SCEL: variants seen among roughly 807,000 people sequenced by gnomAD.
SCEL encodes the protein sciellin.
Under a neutral mutation model 117.6 loss-of-function variants are expected in SCEL, and 113 were observed. That is an observed-to-expected ratio of 0.96 (90% confidence interval 0.83 to 1.12). The LOEUF is 1.12. Ranked by LOEUF, SCEL falls within the 50% of genes most tolerant of loss-of-function variation. SCEL has a pLI of 0.00. For missense variants in SCEL, 785 were observed against 810.8 expected, an observed-to-expected ratio of 0.97 and a Z score of 0.39; for synonymous variants, 270 against 256.2, an observed-to-expected ratio of 1.05 and a Z score of -0.51.
At chr13:77,545,971 G>T (rs145115715) in intron 1 of SCEL, among the ~76,000 whole-genome samples, 1 of 152,318 alleles carries the variant, frequency 6.6e-6, no homozygotes, top group African/African-American at 2.4e-5. Flanking sequence ...CCTGTAAATA[G>T]AATACATTAT....
At chr13:77,622,341 T>A (rs2089468227) in intron 27 of SCEL, among the ~76,000 whole-genome samples, 1 of 152,196 alleles carries the variant, frequency 6.6e-6, no homozygotes. Flanking sequence ...AAGTTTCTCA[T>A]ATGCAGAGCT....
Position 77,563,931 on chromosome 13 carries a change from G to A in SCEL, c.290+32G>A, listed in dbSNP as rs754715526. ...GGCTTTTGAACCATATAAATGGAATGCATAACATATTAAATACATTTTCTA... is the reference window on the plus strand; with the variant it reads ...GGCTTTTGAACCATATAAATGGAATACATAACATATTAAATACATTTTCTA... On this transcript the variant is annotated intron_variant, in intron 5 of 32. Coordinates refer to ENST00000349847, the MANE Select transcript of SCEL (RefSeq NM_144777.3). The A allele has an allele frequency of 2.2e-6, 3 of 1,343,194 alleles. No homozygotes were observed. In the Admixed American group the frequency reaches 7.5e-5, roughly 34 times the overall value. 83.2% of individuals were successfully genotyped at this position (1,343,194 alleles called of 1,614,324 possible).
Position 77,559,821 on chromosome 13 carries a change from G to A in SCEL, c.179G>A (p.Arg60Lys), listed in dbSNP as rs1407483888. The change falls in exon 4 of 33, where the codon AGG becomes AAG. Residue 60 changes from arginine to lysine, a missense_variant. Physicochemically the swap from Arg to Lys is conservative, Grantham distance 26 (BLOSUM62 2). Transcript: ENST00000349847. ...CTTTGCAGAGATGAAAATTACGGTA[G>A]GGTGGTGCTCAACCGACATAATTCC... ...PEEEKDENYG[R>K]VVLNRHNSHD... The A allele has an allele frequency of 1.2e-6, 2 of 1,613,858 alleles. No homozygotes were observed. Among genetic ancestry groups the A allele is most frequent in the East Asian group, 2.2e-5 (1 of 44,882 alleles).
intron 1 of SCEL, among the ~76,000 whole-genome samples, chr13:77,552,022 A>T (rs970774682): frequency 1.3e-5 from 2 of 151,294 alleles, no homozygotes; most frequent in East Asian, 1.9e-4. Context: ...AAGGACATGA[A>T]CTCATCATTT....
rs967507349 is a variant in SCEL, at chr13:77,555,861, T to C, written c.-15T>C. ...TATTTCCCATTTTTCTTTTAGGTCC[T>C]TACTGGAAGGCAGCATGTCCAATGT... On this transcript the variant is annotated 5_prime_UTR_variant, in exon 2 of 33. Transcript: ENST00000349847. 2.5e-6 allele frequency: 4 copies of C among 1,610,252 alleles called. No individual in the cohort carries two copies. In the African/African-American group the frequency reaches 4.0e-5, roughly 16 times the overall value.
chr13:77,553,505 G>A (rs646964), intron 1 of SCEL, among the ~76,000 whole-genome samples: 141,312 of 152,240 alleles, frequency 0.93, 65,629 homozygotes, highest in South Asian at 0.96. Flanking sequence ...GAGACACACT[G>A]CCAGACAGAG....
chr13:77,581,264 A>C (rs528638762), intron 9 of SCEL, among the ~76,000 whole-genome samples: 2 of 152,212 alleles, frequency 1.3e-5, no homozygotes, highest in Non-Finnish European at 2.9e-5. Flanking sequence ...CAAAATAATT[A>C]AAATATTAGC....
At chr13:77,563,621 A>G (rs1230051738) in intron 4 of SCEL, among the ~76,000 whole-genome samples, 1 of 152,194 alleles carries the variant, frequency 6.6e-6, no homozygotes, top group Non-Finnish European at 1.5e-5. Context: ...GCCAGAGAAG[A>G]ATCTTTTATT....
intron 18 of SCEL, 29 bp downstream of exon 18, chr13:77,603,164 G>A (rs747030583): frequency 8.1e-6 from 11 of 1,354,848 alleles, no homozygotes; most frequent in South Asian, 1.3e-5. Context: ...TTTAATTATG[G>A]TTTCTGTTAA....
chr13:77,573,484 G>T (rs1273831161), intron 9 of SCEL, among the ~76,000 whole-genome samples: 1 of 152,136 alleles, frequency 6.6e-6, no homozygotes, highest in Non-Finnish European at 1.5e-5. Context: ...CTACTGTGCA[G>T]ACTTCTAATG....
In SCEL at chr13:77,600,019, A is replaced by G. The variant is rs546085507; in HGVS notation, c.917+271A>G. 5.8e-5 allele frequency: 23 copies of G among 399,380 alleles called. No individual in the cohort carries two copies. In the South Asian group the frequency reaches 1.1e-3, roughly 19 times the overall value. 24.7% of individuals were successfully genotyped at this position (399,380 alleles called of 1,614,324 possible). A position where few individuals can be genotyped will look rare whatever the true frequency, so the allele number is the denominator to read the frequency against. Reference sequence around the variant, plus strand: ...AGATGATCTCCCAGTTCCCCTTCATATCTAAAATGGAAAGAAACACAACTA... The same window carrying G: ...AGATGATCTCCCAGTTCCCCTTCATGTCTAAAATGGAAAGAAACACAACTA... On this transcript the variant is annotated intron_variant, in intron 15 of 32. Transcript: ENST00000349847.
At chr13:77,553,105 C>T (rs914929808) in intron 1 of SCEL, among the ~76,000 whole-genome samples, 1 of 152,142 alleles carries the variant, frequency 6.6e-6, no homozygotes, top group African/African-American at 2.4e-5. Flanking sequence ...TAGTCACCTG[C>T]TGAGATACTA....
intron 16 of SCEL, 32 bp from the exon 17 acceptor site, chr13:77,602,622 C>T (rs750710010): frequency 6.3e-7 from 1 of 1,591,540 alleles, no homozygotes; most frequent in South Asian, 1.1e-5. Context: ...GTACTGTAAC[C>T]TAACTGACAA....
At chr13:77,577,563 G>A (rs1040105566) in intron 9 of SCEL, among the ~76,000 whole-genome samples, 1 of 152,154 alleles carries the variant, frequency 6.6e-6, no homozygotes, top group Non-Finnish European at 1.5e-5. Flanking sequence ...GGATTTGGGT[G>A]CGGACACAGA....
chr13:77,597,495 C>A (rs201078293), intron 12 of SCEL, 50 bp from the exon 13 acceptor site: 2 of 1,107,070 alleles, frequency 1.8e-6, no homozygotes, highest in South Asian at 1.4e-5. Flanking sequence ...TACCCTTTGA[C>A]CCTGGGCAAG....
chr13:77,622,156 G>A (rs75814545), intron 27 of SCEL, among the ~76,000 whole-genome samples: 6,853 of 152,154 alleles, frequency 0.045, 242 homozygotes, highest in Admixed American at 0.08. Flanking sequence ...AGTTCCTGGC[G>A]TAAAAGGAAT....
chr13:77,589,765 A>G (rs1335895949), intron 10 of SCEL, among the ~76,000 whole-genome samples: 3 of 152,132 alleles, frequency 2.0e-5, no homozygotes, highest in African/African-American at 4.8e-5. Flanking sequence ...TTTCAAAACT[A>G]TCACAAATTT....
At chr13:77,635,177 C>T (rs1403079287) in intron 29 of SCEL, among the ~76,000 whole-genome samples, 2 of 152,016 alleles carry the variant, frequency 1.3e-5, no homozygotes, top group African/African-American at 4.8e-5. Flanking sequence ...AGGAGGTAAG[C>T]GATCTTCCAA....
chr13:77,637,336 A>AT, intron 30 of SCEL, 142 bp downstream of exon 30: 1 of 161,014 alleles, frequency 6.2e-6, no homozygotes, highest in Non-Finnish European at 1.2e-5. Flanking sequence ...ATACATATAT[A>AT]AACATATATA....
Sources: gnomAD v4.1 joint callset for allele counts (sites outside exome capture counted in the v4.1 genomes callset) on GRCh38, gnomAD v4.1.1 for gene constraint, MANE v1.5 for transcripts, NCBI Gene and HGNC (gene_info 2026-07-23, HGNC 2026-07-21) for gene names.